The following AFDN variants were observed in gnomAD, a reference collection of about 807,000 sequenced individuals.
The protein encoded by AFDN is afadin, adherens junction formation factor.
AFDN carries 68 observed loss-of-function variants against 216.6 expected under a neutral mutation model. The ratio of observed to expected loss-of-function variants is 0.31; its 90% CI spans 0.26 to 0.38. AFDN has a LOEUF of 0.38. Ranked by LOEUF, AFDN falls within the 10% of genes least tolerant of loss-of-function variation. The pLI is 1.00. For synonymous variants in AFDN, 868 were observed against 853.7 expected, an observed-to-expected ratio of 1.02 and a Z score of -0.29; for missense variants, 2,136 against 2,342.0, an observed-to-expected ratio of 0.91 and a Z score of 1.82.
chr6:167,868,407 C>T (rs559929270), intron 2 of AFDN, among the ~76,000 whole-genome samples: 1 of 152,250 alleles, frequency 6.6e-6, no homozygotes, highest in East Asian at 1.9e-4. Context: ...TAAATGCTGA[C>T]AGCATTTGGA....
chr6:167,845,929 A>G (rs945331413), intron 1 of AFDN, among the ~76,000 whole-genome samples: 1 of 152,116 alleles, frequency 6.6e-6, no homozygotes, highest in Non-Finnish European at 1.5e-5. Flanking sequence ...AGAAGCAAGC[A>G]CCTTCTTCAC....
At chr6:167,854,080 C>T (rs2128189030) in intron 1 of AFDN, among the ~76,000 whole-genome samples, 1 of 151,924 alleles carries the variant, frequency 6.6e-6, no homozygotes, top group Middle Eastern at 3.4e-3. Flanking sequence ...TTTTTTTCCC[C>T]TTCAGCCCCA....
At chr6:167,873,736 A>G (rs1785036059) in intron 4 of AFDN, among the ~76,000 whole-genome samples, 1 of 152,190 alleles carries the variant, frequency 6.6e-6, no homozygotes, top group Non-Finnish European at 1.5e-5. Flanking sequence ...CCTTCCATAA[A>G]TTGAATTTGT....
chr6:167,888,116 G>A (rs1321028317), intron 6 of AFDN, among the ~76,000 whole-genome samples: 1 of 152,136 alleles, frequency 6.6e-6, no homozygotes, highest in Non-Finnish European at 1.5e-5. Context: ...TAAAGATTGA[G>A]ACTAAAGAGA....
rs115963101 is a variant in AFDN at position 167,902,196 on chromosome 6, G to A, written c.1581-121G>A. 2,056 of 697,140 alleles carry A rather than the reference G, an allele frequency of 2.9e-3. 37 individuals carry two copies. In the African/African-American group the frequency reaches 0.034, roughly 12 times the overall value. The allele number at this position is 697,140 out of a possible 1,614,324, so 43.2% of individuals were successfully genotyped here. Reference sequence around the variant, plus strand: ...TCTGTAAGTTCGTGTGCTGAAAACAGAGCAATTTCTTAAAAATCTTTGACA... The same window carrying A: ...TCTGTAAGTTCGTGTGCTGAAAACAAAGCAATTTCTTAAAAATCTTTGACA... On this transcript the variant is annotated intron_variant, in intron 11 of 33. Coordinates refer to ENST00000683244, the MANE Select transcript of AFDN (RefSeq NM_001386888.1).
chr6:167,970,996 A>G lies in AFDN; in HGVS notation c.*1061A>G, dbSNP rs139497048. ...GTTCAAGCTATTTTTATACTATAAT[A>G]GAGTTATTTAATTTTAATTTGTTGA... On this transcript the variant is annotated 3_prime_UTR_variant, in exon 34 of 34. Transcript: ENST00000683244. 1.4e-5 allele frequency: 3 copies of G among 214,884 alleles called. No individual in the cohort carries two copies. In the East Asian group the frequency reaches 2.1e-4, roughly 15 times the overall value. 13.3% of individuals were successfully genotyped at this position (214,884 alleles called of 1,614,324 possible). A position where few individuals can be genotyped will look rare whatever the true frequency, so the allele number is the denominator to read the frequency against.
At chr6:167,832,505 TA>T (rs1469279319) in intron 1 of AFDN, among the ~76,000 whole-genome samples, 1 of 152,208 alleles carries the variant, frequency 6.6e-6, no homozygotes, top group Non-Finnish European at 1.5e-5. Context: ...TAAAATTCAC[TA>T]ATCATTTTGA....
chr6:167,913,017 A>G (rs1177151164), intron 15 of AFDN, among the ~76,000 whole-genome samples: 3 of 152,020 alleles, frequency 2.0e-5, no homozygotes, highest in African/African-American at 7.2e-5. Flanking sequence ...ATGGACTTTC[A>G]CCTTATTAGG....
chr6:167,900,232 C>T (rs903505009), intron 11 of AFDN, among the ~76,000 whole-genome samples: 4 of 152,142 alleles, frequency 2.6e-5, no homozygotes, highest in Admixed American at 1.3e-4. Context: ...TAGTGTCAAA[C>T]GATTGTGACA....
At chr6:167,864,961 A>G (rs919420011) in intron 2 of AFDN, 9 of 721,624 alleles carry the variant, frequency 1.2e-5, no homozygotes, top group Non-Finnish European at 2.0e-5. Context: ...GGAAGTTAGA[A>G]TGAATATATT....
chr6:167,923,004 C>A, intron 22 of AFDN, 45 bp downstream of exon 22: 1 of 1,313,156 alleles, frequency 7.6e-7, no homozygotes, highest in East Asian at 2.3e-5. Flanking sequence ...ATCCTTAGGA[C>A]TTGAAGATGT....
At position 167,911,430 on chromosome 6, in the gene AFDN, A is replaced by G; in HGVS notation, c.1978A>G (p.Thr660Ala). 2 of 1,614,140 alleles carry G rather than the reference A, an allele frequency of 1.2e-6. No homozygotes were observed. The highest frequency in any genetic ancestry group is 1.7e-6 in the Non-Finnish European group (2 of 1,179,994). Residue 660 changes from threonine to alanine, a missense_variant, in exon 15 of 34, where the codon ACA becomes GCA. This residue lies in a region of AFDN where 817 missense variants were observed against 965.7 expected (regional missense o/e 0.85). Coordinates refer to ENST00000683244, the MANE Select transcript of AFDN (RefSeq NM_001386888.1). Reference protein sequence around the residue: ...YRPDISPTERTHKVIAVVNKM... With the variant: ...YRPDISPTERAHKVIAVVNKM... ...ACCTGACATCAGCCCTACAGAGCGCACACATAAAGTCATTGCAGTCGTCAA... is the reference window on the plus strand; with the variant it reads ...ACCTGACATCAGCCCTACAGAGCGCGCACATAAAGTCATTGCAGTCGTCAA...
At chr6:167,913,110 G>A (rs1205552885) in intron 15 of AFDN, among the ~76,000 whole-genome samples, 1 of 152,144 alleles carries the variant, frequency 6.6e-6, no homozygotes, top group East Asian at 1.9e-4. Context: ...CTTTTAAAGA[G>A]ATCAGTGTGT....
At chr6:167,885,565 T>C (rs1026492424) in intron 6 of AFDN, among the ~76,000 whole-genome samples, 1 of 152,194 alleles carries the variant, frequency 6.6e-6, no homozygotes, top group African/African-American at 2.4e-5. Context: ...CTTGCCATCT[T>C]ATATGGGTGC....
chr6:167,860,840 A>G (rs1249130604), intron 1 of AFDN, among the ~76,000 whole-genome samples: 1 of 152,228 alleles, frequency 6.6e-6, no homozygotes, highest in Non-Finnish European at 1.5e-5. Flanking sequence ...CTGTCTAGGT[A>G]GGTGATGGTC....
intron 1 of AFDN, among the ~76,000 whole-genome samples, chr6:167,851,837 C>T (rs1183460103): frequency 6.6e-6 from 1 of 152,110 alleles, no homozygotes; most frequent in Non-Finnish European, 1.5e-5. Context: ...ATTCATTATC[C>T]ATTTTCAGAA....
At chr6:167,830,544 T>G (rs993924314) in intron 1 of AFDN, among the ~76,000 whole-genome samples, 1 of 152,254 alleles carries the variant, frequency 6.6e-6, no homozygotes, top group Non-Finnish European at 1.5e-5. Context: ...TTCTTAGTTT[T>G]GCAAGAAGCT....
chr6:167,890,777 A>G, intron 7 of AFDN, 85 bp from the exon 8 acceptor site: 7 of 1,324,704 alleles, frequency 5.3e-6, no homozygotes, highest in Non-Finnish European at 7.3e-6. Flanking sequence ...TCTTTTTGAG[A>G]AAGTTTTGCA....
At chr6:167,830,604 G>A (rs895364383) in intron 1 of AFDN, among the ~76,000 whole-genome samples, 7 of 152,222 alleles carry the variant, frequency 4.6e-5, no homozygotes, top group African/African-American at 1.4e-4. Flanking sequence ...TTAGCTTCAC[G>A]AGATACTTCT....
Sources: gnomAD v4.1 joint callset for allele counts (sites outside exome capture counted in the v4.1 genomes callset) on GRCh38, gnomAD v4.1.1 for gene constraint, gnomAD v4.1.1 regional missense constraint, MANE v1.5 for transcripts, NCBI Gene and HGNC (gene_info 2026-07-23, HGNC 2026-07-21) for gene names.